PELI2: variants seen among roughly 807,000 people sequenced by gnomAD.
PELI2 encodes the protein pellino E3 ubiquitin protein ligase family member 2, also known as E3 ubiquitin-protein ligase pellino homolog 2.
Under a neutral mutation model 42.3 loss-of-function variants are expected in PELI2, and 23 were observed. That is an observed-to-expected ratio of 0.54 (90% CI 0.39 to 0.77). The LOEUF (loss-of-function observed/expected upper bound fraction) is 0.77, where lower values mean the gene tolerates loss of function less well. Among genes scored for constraint, PELI2 ranks in the 30% least tolerant of loss-of-function variants. The pLI is 0.00. For missense variants in PELI2, 463 were observed against 553.2 expected, an observed-to-expected ratio of 0.84 and a Z score of 1.64; for synonymous variants, 245 against 212.2, an observed-to-expected ratio of 1.15 and a Z score of -1.34.
chr14:56,223,655 T>A (rs1382467118), intron 2 of PELI2, among the ~76,000 whole-genome samples: 1 of 152,236 alleles, frequency 6.6e-6, no homozygotes, highest in Non-Finnish European at 1.5e-5. Context: ...TGATTATTTT[T>A]CTTCTTTTCA....
intron 1 of PELI2, among the ~76,000 whole-genome samples, chr14:56,140,760 G>C (rs963735562): frequency 3.6e-4 from 55 of 152,304 alleles, no homozygotes. Context: ...TTAACCACAA[G>C]ATGGAAAAAT....
chr14:56,214,348 T>C (rs540245399), intron 2 of PELI2, among the ~76,000 whole-genome samples: 29 of 152,296 alleles, frequency 1.9e-4, no homozygotes, highest in African/African-American at 5.1e-4. Context: ...ATGATGCTAC[T>C]TTTTTGCTCT....
At chr14:56,233,693 G>T (rs1266648571) in intron 2 of PELI2, among the ~76,000 whole-genome samples, 1 of 152,152 alleles carries the variant, frequency 6.6e-6, no homozygotes, top group Non-Finnish European at 1.5e-5. Flanking sequence ...ACATAGGCAT[G>T]GACAAGGACT....
intron 2 of PELI2, among the ~76,000 whole-genome samples, chr14:56,232,336 T>C: frequency 6.6e-6 from 1 of 152,132 alleles, no homozygotes. Flanking sequence ...ATATCCCTGA[T>C]GAACATTGAT....
intron 2 of PELI2, among the ~76,000 whole-genome samples, chr14:56,187,802 G>A (rs770235007): frequency 6.6e-6 from 1 of 152,154 alleles, no homozygotes; most frequent in Non-Finnish European, 1.5e-5. Flanking sequence ...TGAAGTTAGA[G>A]GTGATGGAGG....
intron 1 of PELI2, among the ~76,000 whole-genome samples, chr14:56,154,431 T>C (rs1192222181): frequency 6.6e-6 from 1 of 152,196 alleles, no homozygotes; most frequent in East Asian, 1.9e-4. Flanking sequence ...TGCCTTTCCC[T>C]GATAGTGAGT....
Position 56,290,429 on chromosome 14 carries a change from C to T in PELI2, c.669C>T (p.Thr223=). 1 of 1,606,444 alleles carries T rather than the reference C, an allele frequency of 6.2e-7. No homozygotes were observed. The highest frequency in any genetic ancestry group is 8.5e-7 in the Non-Finnish European group (1 of 1,174,982). ...GAGATGTGTACACCTTGCGAGAAAC[C>T]AGGTCGGCCCAGCAACGAGGAAAGC... ...VCGDVYTLRE[T]RSAQQRGKLV... is the part of the protein sequence containing the mutation. The change falls in exon 5 of 6, where the codon ACC becomes ACT. Residue 223 remains threonine (T), a synonymous_variant. Transcript: ENST00000267460.
chr14:56,297,155 C>T lies in PELI2; in HGVS notation c.1252C>T (p.Pro418Ser). ...QNCIKLIFQG[P>S]ID Reference sequence around the variant, plus strand: ...CTGCATCAAATTAATTTTCCAAGGTCCAATTGACTGACGCCCTTGACAGCC... The same window carrying T: ...CTGCATCAAATTAATTTTCCAAGGTTCAATTGACTGACGCCCTTGACAGCC... The change falls in exon 6 of 6, where the codon CCA (proline) becomes TCA (serine). Residue 418 changes from proline (P) to serine (S), a missense_variant. Coordinates refer to ENST00000267460, the MANE Select transcript of PELI2 (RefSeq NM_021255.3). 3.1e-6 allele frequency: 5 copies of T among 1,597,838 alleles called. No individual in the cohort carries two copies. Among genetic ancestry groups the T allele is most frequent in the African/African-American group, 1.3e-5 (1 of 74,984 alleles).
rs533370968 is a variant in PELI2, at chr14:56,282,018, G to A, written c.309+2241G>A. ...AAAATACAAAATGTTTACATAGTTT[G>A]ACTCAGCTCTTTTCTTTGTAAAGCT... is the stretch of plus-strand genomic sequence containing the variant. On this transcript the variant is annotated intron_variant, in intron 3 of 5. Coordinates refer to ENST00000267460, the MANE Select transcript of PELI2 (RefSeq NM_021255.3). 2.6e-5 allele frequency among the ~76,000 whole-genome samples: 4 copies of A among 152,238 alleles called. No individual in the cohort carries two copies. In the South Asian group the frequency reaches 8.3e-4, roughly 32 times the overall value.
intron 2 of PELI2, among the ~76,000 whole-genome samples, chr14:56,208,309 T>C (rs896415649): frequency 6.6e-6 from 1 of 152,196 alleles, no homozygotes; most frequent in African/African-American, 2.4e-5. Flanking sequence ...AGAAGAGATG[T>C]CATCTAAGAC....
chr14:56,199,363 C>A (rs1886250146), intron 2 of PELI2, among the ~76,000 whole-genome samples: 1 of 152,166 alleles, frequency 6.6e-6, no homozygotes, highest in Admixed American at 6.5e-5. Flanking sequence ...CTGGCCTGGT[C>A]ATTTCTCGTC....
Position 56,296,716 on chromosome 14 carries a change from A to C in PELI2, c.813A>C (p.Glu271Asp). The C allele has an allele frequency of 6.2e-7, 1 of 1,614,160 alleles. No homozygotes were observed. Among genetic ancestry groups the C allele is most frequent in the South Asian group, 1.1e-5 (1 of 91,078 alleles). ...ATACTCCAACTCAGAAGCACATAGA[A>C]GCCCTCCGGCAGGAGATTAACGCCG... Reference protein sequence around the residue: ...LFHTPTQKHIEALRQEINAAR... With the variant: ...LFHTPTQKHIDALRQEINAAR... Residue 271 changes from glutamate to aspartate, a missense_variant, in exon 6 of 6, where the codon GAA (glutamate) becomes GAC (aspartate). Physicochemically the swap from Glu to Asp is conservative, Grantham distance 45. Transcript: ENST00000267460.
At chr14:56,124,009 T>C (rs570864621) in intron 1 of PELI2, among the ~76,000 whole-genome samples, 1 of 152,310 alleles carries the variant, frequency 6.6e-6, no homozygotes, top group East Asian at 1.9e-4. Context: ...TGAAAAGGAA[T>C]TTATAATGTC....
At chr14:56,191,184 C>T (rs1885937785) in intron 2 of PELI2, among the ~76,000 whole-genome samples, 1 of 152,124 alleles carries the variant, frequency 6.6e-6, no homozygotes, top group Non-Finnish European at 1.5e-5. Flanking sequence ...CTCTTATAGG[C>T]AGGTACCCAG....
chr14:56,274,895 T>C (rs1381936080), intron 2 of PELI2, among the ~76,000 whole-genome samples: 6 of 152,264 alleles, frequency 3.9e-5, no homozygotes, highest in African/African-American at 1.4e-4. Flanking sequence ...TGCCCAGTTA[T>C]ATTTTAACCT....
At chr14:56,130,826 C>G (rs1238305343) in intron 1 of PELI2, among the ~76,000 whole-genome samples, 1 of 152,146 alleles carries the variant, frequency 6.6e-6, no homozygotes, top group African/African-American at 2.4e-5. Flanking sequence ...CTCTAGTTTT[C>G]AAGATGATCC....
intron 2 of PELI2, among the ~76,000 whole-genome samples, chr14:56,188,185 C>T (rs535915959): frequency 2.0e-5 from 3 of 152,308 alleles, no homozygotes; most frequent in East Asian, 3.9e-4. Flanking sequence ...TCTTCCTGGA[C>T]GGCAGGCTCC....
In PELI2 at chr14:56,231,980, C is replaced by G. The variant is rs1267587921; in HGVS notation, c.208-47696C>G. 2.6e-5 allele frequency among the ~76,000 whole-genome samples: 4 copies of G among 152,256 alleles called. No homozygotes were observed. In the East Asian group the frequency reaches 7.7e-4, roughly 29 times the overall value. On this transcript the variant is annotated intron_variant, in intron 2 of 5. Coordinates refer to ENST00000267460, the MANE Select transcript of PELI2 (RefSeq NM_021255.3). ...CCACCATCAGAGAATACTGTAAACA[C>G]CTCTATGCAAATAAACTAGAAAATC...
At chr14:56,233,268 G>T (rs564853063) in intron 2 of PELI2, among the ~76,000 whole-genome samples, 78 of 152,258 alleles carry the variant, frequency 5.1e-4, no homozygotes, top group African/African-American at 1.8e-3. Context: ...AAGTTCACAT[G>T]GAACCGAAAA....
Sources: gnomAD v4.1 joint callset for allele counts (sites outside exome capture counted in the v4.1 genomes callset) on GRCh38, gnomAD v4.1.1 for gene constraint, MANE v1.5 for transcripts, NCBI Gene and HGNC (gene_info 2026-07-23, HGNC 2026-07-21) for gene names.